PDE1C: variants seen among roughly 807,000 people sequenced by gnomAD.
The protein encoded by PDE1C is phosphodiesterase 1C.
Under a neutral mutation model 93.1 loss-of-function variants are expected in PDE1C, and 62 were observed. The ratio of observed to expected loss-of-function variants is 0.67; its 90% CI spans 0.54 to 0.82. The LOEUF (loss-of-function observed/expected upper bound fraction) is 0.82. PDE1C is among the 40% of genes least tolerant of loss of function. The pLI is 0.00. For synonymous variants in PDE1C, 325 were observed against 310.1 expected, an observed-to-expected ratio of 1.05 and a Z score of -0.50; for missense variants, 742 against 884.6, an observed-to-expected ratio of 0.84 and a Z score of 2.04.
intron 2 of PDE1C, among the ~76,000 whole-genome samples, chr7:32,025,359 C>T (rs978181655): frequency 7.2e-5 from 11 of 151,970 alleles, no homozygotes; most frequent in Non-Finnish European, 1.5e-4. Flanking sequence ...GGTGTAGAGA[C>T]GAGCTGGAGT....
At chr7:31,790,970 A>C (rs1226096033) in intron 16 of PDE1C, among the ~76,000 whole-genome samples, 1 of 152,122 alleles carries the variant, frequency 6.6e-6, no homozygotes, top group African/African-American at 2.4e-5. Context: ...TTGGTGTTGC[A>C]TGCTCTGCAA....
the PDE1C span, chr7:31,643,636 CA>C: frequency 1.2e-6 from 2 of 1,614,046 alleles, no homozygotes; most frequent in East Asian, 2.2e-5. Flanking sequence ...AAAAGCAAGA[CA>C]GTTAAATGAT....
intron 1 of PDE1C, among the ~76,000 whole-genome samples, chr7:32,241,180 G>C (rs993795727): frequency 5.9e-5 from 9 of 152,198 alleles, no homozygotes; most frequent in African/African-American, 2.2e-4. Context: ...CTGGAGTTCA[G>C]GGGAAAAGTT....
intron 2 of PDE1C, among the ~76,000 whole-genome samples, chr7:32,181,865 G>C (rs568597576): frequency 2.0e-5 from 3 of 152,236 alleles, no homozygotes; most frequent in Non-Finnish European, 2.9e-5. Context: ...CCAGGAGCTG[G>C]TTTTTTGAAA....
At chr7:32,224,774 G>C (rs113038807) in intron 1 of PDE1C, among the ~76,000 whole-genome samples, 74 of 152,258 alleles carry the variant, frequency 4.9e-4, no homozygotes, top group African/African-American at 1.8e-3. Context: ...AGCATCCCAG[G>C]AAGCCCAAAC....
At chr7:32,387,714 T>C (rs1784664272) in intron 1 of PDE1C, among the ~76,000 whole-genome samples, 1 of 136,700 alleles carries the variant, frequency 7.3e-6, no homozygotes, top group Admixed American at 7.0e-5. Flanking sequence ...ACGGGGCGGC[T>C]GGCCGGGCAG....
intron 2 of PDE1C, among the ~76,000 whole-genome samples, chr7:32,182,135 C>A (rs1346712943): frequency 6.6e-6 from 1 of 152,112 alleles, no homozygotes; most frequent in South Asian, 2.1e-4. Context: ...CAATAACAGG[C>A]TCTGAAGTTG....
chr7:32,074,878 G>T (rs908587117), upstream of PDE1C, among the ~76,000 whole-genome samples: 1 of 152,204 alleles, frequency 6.6e-6, no homozygotes, highest in Admixed American at 6.5e-5. Flanking sequence ...ATGTGACACG[G>T]AACAGAAAGA....
the PDE1C span, among the ~76,000 whole-genome samples, chr7:31,680,570 T>G: frequency 6.6e-6 from 1 of 152,202 alleles, no homozygotes; most frequent in Admixed American, 6.5e-5. Flanking sequence ...GGGGTTGTGA[T>G]GAGCATTAGC....
intron 1 of PDE1C, among the ~76,000 whole-genome samples, chr7:32,347,858 A>G (rs569088860): frequency 1.3e-5 from 2 of 152,226 alleles, no homozygotes; most frequent in Admixed American, 1.3e-4. Context: ...CTATAGTTTC[A>G]TGAGACCCTC....
chr7:32,023,979 T>C (rs1789065011), intron 2 of PDE1C, among the ~76,000 whole-genome samples: 1 of 152,130 alleles, frequency 6.6e-6, no homozygotes, highest in African/African-American at 2.4e-5. Flanking sequence ...TCAAGTAAGA[T>C]GTGAACCCTG....
intron 1 of PDE1C, among the ~76,000 whole-genome samples, chr7:32,354,636 C>A (rs1783996625): frequency 6.6e-6 from 1 of 152,130 alleles, no homozygotes; most frequent in Non-Finnish European, 1.5e-5. Flanking sequence ...GGGAAGAGCC[C>A]AAGCTCATGA....
At chr7:32,310,467 C>G (rs946843008) in intron 1 of PDE1C, among the ~76,000 whole-genome samples, 1 of 152,138 alleles carries the variant, frequency 6.6e-6, no homozygotes, top group Non-Finnish European at 1.5e-5. Context: ...CAGCACTACA[C>G]CACATCTATT....
intron 5 of PDE1C, among the ~76,000 whole-genome samples, chr7:31,873,910 C>T (rs1445787658): frequency 1.3e-5 from 2 of 152,220 alleles, no homozygotes; most frequent in Admixed American, 6.5e-5. Flanking sequence ...CTTCTCTGAA[C>T]TTCTCTGCAA....
At chr7:32,179,319 G>C (rs1476732444) in intron 2 of PDE1C, among the ~76,000 whole-genome samples, 1 of 149,600 alleles carries the variant, frequency 6.7e-6, no homozygotes, top group Non-Finnish European at 1.5e-5. Context: ...GAGTGCAGTG[G>C]CGTGATCTCA....
At chr7:32,286,154 A>G (rs1230019809) in intron 1 of PDE1C, among the ~76,000 whole-genome samples, 1 of 152,236 alleles carries the variant, frequency 6.6e-6, no homozygotes, top group Non-Finnish European at 1.5e-5. Flanking sequence ...CTTAATACTC[A>G]GTTTCCCGCT....
chr7:32,267,561 T>TCTCTC (rs1810674691), intron 1 of PDE1C, among the ~76,000 whole-genome samples: 2 of 131,892 alleles, frequency 1.5e-5, no homozygotes, highest in African/African-American at 5.9e-5. Flanking sequence ...TGCAGCCTCT[T>TCTCTC]TCTCTCTCTC....
At chr7:31,947,467 T>C (rs1806774196) in intron 2 of PDE1C, among the ~76,000 whole-genome samples, 1 of 152,230 alleles carries the variant, frequency 6.6e-6, no homozygotes, top group Non-Finnish European at 1.5e-5. Flanking sequence ...AATTAATACT[T>C]AAAAGCCAGC....
intron 1 of PDE1C, among the ~76,000 whole-genome samples, chr7:32,422,680 T>C (rs950869920): frequency 6.6e-6 from 1 of 152,246 alleles, no homozygotes; most frequent in East Asian, 1.9e-4. Context: ...TTCTTTTTTA[T>C]GACAGCACAT....
Sources: allele counts gnomAD v4.1 joint callset (sites outside exome capture counted in the v4.1 genomes callset), GRCh38; gene constraint gnomAD v4.1.1; transcripts MANE v1.5; gene names NCBI Gene and HGNC (gene_info 2026-07-23, HGNC 2026-07-21).